The following SCARB2 variants were observed in gnomAD, a reference collection of about 807,000 sequenced individuals.
SCARB2 encodes the protein scavenger receptor class B member 2, also known as lysosome membrane protein 2.
A neutral mutation model predicts 58.6 loss-of-function variants in SCARB2; 29 were observed. The ratio of observed to expected loss-of-function variants is 0.49; its 90% CI spans 0.37 to 0.67. SCARB2 has a LOEUF of 0.67. Among genes scored for constraint, SCARB2 ranks in the 30% least tolerant of loss-of-function variants. The probability of loss-of-function intolerance (pLI) is 0.00; values close to 1 mark genes in which losing one functional copy is unlikely to be tolerated. For missense variants in SCARB2, 488 were observed against 578.5 expected (o/e 0.84, Z 1.60); for synonymous variants, 195 against 210.1 (o/e 0.93, Z 0.62).
At chr4:76,170,960 ATATATATATAT>A (rs1732117223) in intron 7 of SCARB2, among the ~76,000 whole-genome samples, 4 of 146,834 alleles carry the variant, frequency 2.7e-5, no homozygotes, top group East Asian at 4.1e-4. Flanking sequence ...ATATATATAT[ATATATATATAT>A]AACCAAATAG....
At chr4:76,163,070 G>T in intron 11 of SCARB2, 155 bp downstream of exon 11, 2 of 862,512 alleles carry the variant, frequency 2.3e-6, no homozygotes, top group Non-Finnish European at 3.7e-6. Context: ...CTTCCCATTT[G>T]GTCCAGCAGT....
intron 2 of SCARB2, among the ~76,000 whole-genome samples, chr4:76,186,388 T>C (rs1732487797): frequency 6.6e-6 from 1 of 151,966 alleles, no homozygotes; most frequent in Admixed American, 6.6e-5. Context: ...CAGGCGAGGC[T>C]GGGGTGATGA....
rs1473453300 is a variant in SCARB2, at chr4:76,213,634, C to T, written c.-91G>A. ...AGCCGCCGCAGAGGCGTCGAAGACCCGGGACCCTTCGGCGCCACGCCCACG... is the reference window on the plus strand; with the variant it reads ...AGCCGCCGCAGAGGCGTCGAAGACCTGGGACCCTTCGGCGCCACGCCCACG... On this transcript the variant is annotated 5_prime_UTR_variant, in exon 1 of 12. Transcript: ENST00000264896. 5.1e-6 allele frequency: 5 copies of T among 975,480 alleles called. No individual in the cohort carries two copies. The highest frequency in any genetic ancestry group is 1.6e-5 in the African/African-American group (1 of 62,134). The allele number at this position is 975,480 out of a possible 1,614,324, so 60.4% of individuals were successfully genotyped here.
chr4:76,169,850 AG>A lies in SCARB2; in HGVS notation c.1113+16del. The A allele has an allele frequency of 6.4e-7, 1 of 1,552,404 alleles. No individual in the cohort carries two copies. The highest frequency in any genetic ancestry group is 8.9e-7 in the Non-Finnish European group (1 of 1,124,014). ...ATAAAACATATGCTCTTTTACCAGG[AG>A]GAAGTATGTACTCACAGGATTAATG... On this transcript the variant is annotated intron_variant, in intron 8 of 11. Transcript: ENST00000264896.
chr4:76,173,507 T>G (rs1329400333), intron 7 of SCARB2: 1 of 150,776 alleles, frequency 6.6e-6, no homozygotes, highest in Non-Finnish European at 1.5e-5. Flanking sequence ...ATTTTTTAAT[T>G]TTTTTTTTTT....
rs563883299 is a variant in SCARB2 at position 76,202,918 on chromosome 4, T to TA, written c.118-7055dup. On this transcript the variant is annotated intron_variant, in intron 1 of 11. Transcript: ENST00000264896. ...AAATCAGTTTATTTAATCATTCTTT[T>TA]ACTATAGGACATTTGTGTTGCTTTC... Among the ~76,000 whole-genome samples, 469 of 152,356 alleles carry TA rather than the reference T, an allele frequency of 3.1e-3. 2 individuals carry two copies. The highest frequency in any genetic ancestry group is 0.011 in the African/African-American group (438 of 41,584).
intron 1 of SCARB2, among the ~76,000 whole-genome samples, chr4:76,205,183 G>C (rs1732904391): frequency 6.6e-6 from 1 of 151,988 alleles, no homozygotes; most frequent in Non-Finnish European, 1.5e-5. Flanking sequence ...TTAAAAATTA[G>C]CCTGGCATGG....
At chr4:76,176,565 T>G in intron 4 of SCARB2, 37 bp from the exon 5 acceptor site, 1 of 1,431,720 alleles carries the variant, frequency 7.0e-7, no homozygotes, top group Non-Finnish European at 9.8e-7. Flanking sequence ...AAAGTAACTG[T>G]GATAATTTTA....
chr4:76,168,880 A>G lies in SCARB2; in HGVS notation c.1114-404T>C, dbSNP rs771714435. ...CAGGCAGTTGTCCAGAGAGCTAAGA[A>G]GAGGGTGGTGGTCACTGCCAGAGAG... is the stretch of plus-strand genomic sequence containing the variant. On this transcript the variant is annotated intron_variant, in intron 8 of 11. Coordinates refer to ENST00000264896, the MANE Select transcript of SCARB2 (RefSeq NM_005506.4). 1.3e-3 allele frequency among the ~76,000 whole-genome samples: 196 copies of G among 152,264 alleles called. 1 individual carries two copies. Among genetic ancestry groups the G allele is most frequent in the Non-Finnish European group, 1.5e-3 (103 of 68,050 alleles).
At chr4:76,173,905 TTCTA>T in intron 7 of SCARB2, 1 of 521,748 alleles carries the variant, frequency 1.9e-6, no homozygotes. Context: ...AAACTGATCT[TTCTA>T]TTGGGCTGAC....
At chr4:76,200,703 A>G (rs1199403371) in intron 1 of SCARB2, among the ~76,000 whole-genome samples, 1 of 152,202 alleles carries the variant, frequency 6.6e-6, no homozygotes, top group Non-Finnish European at 1.5e-5. Flanking sequence ...TTCCAGTAGC[A>G]TGGATCTGTG....
chr4:76,170,033 AAGCTG>A lies in SCARB2; in HGVS notation c.995-53_995-49del, dbSNP rs57802484. The A allele has an allele frequency of 0.16, 247,341 of 1,501,132 alleles. 24,211 individuals carry two copies. Among genetic ancestry groups the A allele is most frequent in the African/African-American group, 0.41 (29,507 of 72,074 alleles). The allele number at this position is 1,501,132 out of a possible 1,614,324, so 93.0% of individuals were successfully genotyped here. ...ATGAATGATGCTGTTTTTAAAATCT[AAGCTG>A]AGCTGAATATAAAAGTTCCTGGCCA... On this transcript the variant is annotated intron_variant, in intron 7 of 11. Transcript: ENST00000264896.
chr4:76,195,962 T>C, intron 1 of SCARB2, 98 bp from the exon 2 acceptor site: 1 of 791,672 alleles, frequency 1.3e-6, no homozygotes, highest in Non-Finnish European at 2.0e-6. Context: ...TCTGACCTCC[T>C]AGATCACTAT....
chr4:76,214,019 A>T, upstream of SCARB2: 1 of 244,608 alleles, frequency 4.1e-6, no homozygotes, highest in Non-Finnish European at 8.1e-6. Context: ...CGCCTGAGCC[A>T]GGCCCGGCCT....
chr4:76,213,554 G>C lies in SCARB2; in HGVS notation c.-11C>G. 6.3e-7 allele frequency: 1 copy of C among 1,598,176 alleles called. No individual in the cohort carries two copies. The highest frequency in any genetic ancestry group is 8.5e-7 in the Non-Finnish European group (1 of 1,171,572). ...GCAGCATCGGCCCATTCTGTGCGCCGCTCACGGGCCGGGCCGGGCCGCACC... is the reference window on the plus strand; with the variant it reads ...GCAGCATCGGCCCATTCTGTGCGCCCCTCACGGGCCGGGCCGGGCCGCACC... On this transcript the variant is annotated 5_prime_UTR_variant, in exon 1 of 12. Coordinates refer to ENST00000264896, the MANE Select transcript of SCARB2 (RefSeq NM_005506.4).
chr4:76,180,765 C>G (rs534331526), intron 3 of SCARB2, 189 bp downstream of exon 3: 136 of 403,142 alleles, frequency 3.4e-4, no homozygotes, highest in African/African-American at 2.6e-3. Flanking sequence ...TTGAAAAGAC[C>G]TTATTTGATA....
intron 1 of SCARB2, among the ~76,000 whole-genome samples, chr4:76,228,419 C>T (rs1196473198): frequency 6.6e-6 from 1 of 150,880 alleles, no homozygotes; most frequent in African/African-American, 2.4e-5. Flanking sequence ...GTGAAGGTTA[C>T]AGCAAGCTGA....
Position 76,161,427 on chromosome 4 carries a change from C to T in SCARB2, c.*286G>A. The T allele has an allele frequency of 4.2e-6, 2 of 478,544 alleles. No homozygotes were observed. Among genetic ancestry groups the T allele is most frequent in the South Asian group, 4.8e-5 (2 of 41,972 alleles). The allele number at this position is 478,544 out of a possible 1,614,324, so 29.6% of individuals were successfully genotyped here. A position where few individuals can be genotyped will look rare whatever the true frequency, so the allele number is the denominator to read the frequency against. ...CAATAGTGGTCACAAAATTCTGGAGCTACCAGCACCCAACAACAACAAAAT... is the reference window on the plus strand; with the variant it reads ...CAATAGTGGTCACAAAATTCTGGAGTTACCAGCACCCAACAACAACAAAAT... On this transcript the variant is annotated 3_prime_UTR_variant, in exon 12 of 12. Transcript: ENST00000264896.
intron 2 of SCARB2, among the ~76,000 whole-genome samples, chr4:76,190,581 C>T (rs971771582): frequency 2.0e-5 from 3 of 151,890 alleles, no homozygotes; most frequent in South Asian, 2.1e-4. Context: ...ACCAGGAGTT[C>T]GAGACCAGCC....
Sources: allele counts gnomAD v4.1 joint callset (sites outside exome capture counted in the v4.1 genomes callset), GRCh38; gene constraint gnomAD v4.1.1; transcripts MANE v1.5; gene names NCBI Gene and HGNC (gene_info 2026-07-23, HGNC 2026-07-21).